MSRB3: variants seen among roughly 807,000 people sequenced by gnomAD.
MSRB3 encodes the protein methionine sulfoxide reductase B3, also known as methionine-R-sulfoxide reductase B3.
A neutral mutation model predicts 21.0 loss-of-function variants in MSRB3; 13 were observed. That is an observed-to-expected ratio of 0.62 (90% confidence interval 0.40 to 0.98). MSRB3 has a LOEUF of 0.98. Ranked by LOEUF, MSRB3 falls within the 50% of genes least tolerant of loss-of-function variation. The pLI is 0.00. For synonymous variants in MSRB3, 87 were observed against 88.6 expected (o/e 0.98, Z 0.10); for missense variants, 199 against 230.3 (o/e 0.86, Z 0.88).
chr12:65,420,027 G>C (rs1383644656), intron 5 of MSRB3: 2 of 551,836 alleles, frequency 3.6e-6, no homozygotes, highest in Non-Finnish European at 7.3e-6. Flanking sequence ...AGCTCATGCT[G>C]TCTGGGGAAG....
intron 5 of MSRB3, among the ~76,000 whole-genome samples, chr12:65,387,430 A>T (rs977864881): frequency 2.0e-5 from 3 of 152,240 alleles, no homozygotes; most frequent in African/African-American, 7.2e-5. Context: ...TCTGATAGGT[A>T]AAAAGTAGAA....
chr12:65,352,286 G>A (rs370473458), intron 4 of MSRB3, among the ~76,000 whole-genome samples: 6 of 151,820 alleles, frequency 4.0e-5, no homozygotes, highest in African/African-American at 9.7e-5. Flanking sequence ...AAAACTCTCA[G>A]TAAATTAGGT....
chr12:65,388,411 G>C (rs1215125774), intron 5 of MSRB3, among the ~76,000 whole-genome samples: 1 of 152,122 alleles, frequency 6.6e-6, no homozygotes, highest in Admixed American at 6.5e-5. Flanking sequence ...TCTTCCACCA[G>C]GTTCCTTGTG....
At chr12:65,445,123 G>A (rs145443522) in intron 5 of MSRB3, among the ~76,000 whole-genome samples, 183 of 152,104 alleles carry the variant, frequency 1.2e-3, no homozygotes, top group Middle Eastern at 6.8e-3. Context: ...ACACAAGCTG[G>A]AAACCTAGTA....
intron 5 of MSRB3, among the ~76,000 whole-genome samples, chr12:65,402,812 A>G (rs896850686): frequency 1.3e-5 from 2 of 151,946 alleles, no homozygotes; most frequent in African/African-American, 4.8e-5. Context: ...CTTTTTGTTG[A>G]TGTTGATGCT....
rs539358697 is a variant in MSRB3 at position 65,309,214 on chromosome 12, A to T, written c.76+559A>T. ...TTAAATTAGAACCACTGTACTTTTTAAAAATGTGATTTTAAGAATTTAAAT... is the reference window on the plus strand; with the variant it reads ...TTAAATTAGAACCACTGTACTTTTTTAAAATGTGATTTTAAGAATTTAAAT... On this transcript the variant is annotated intron_variant, in intron 2 of 6. Coordinates refer to ENST00000308259, the MANE Select transcript of MSRB3 (RefSeq NM_001031679.3). Among the ~76,000 whole-genome samples, 220 of 152,350 alleles carry T rather than the reference A, an allele frequency of 1.4e-3. 2 individuals carry two copies. Among genetic ancestry groups the T allele is most frequent in the African/African-American group, 5.0e-3 (206 of 41,594 alleles).
intron 5 of MSRB3, among the ~76,000 whole-genome samples, chr12:65,422,400 A>ATG (rs1881354720): frequency 1.0e-4 from 3 of 28,888 alleles, no homozygotes; most frequent in Non-Finnish European, 2.8e-4. Context: ...ATATATATAT[A>ATG]TATATATATA....
intron 2 of MSRB3, among the ~76,000 whole-genome samples, chr12:65,323,305 G>C (rs1874805316): frequency 6.6e-6 from 1 of 152,176 alleles, no homozygotes; most frequent in Admixed American, 6.5e-5. Context: ...AACAACACAG[G>C]ACAAGCTTCG....
At chr12:65,303,951 G>A (rs370514959) in intron 1 of MSRB3, among the ~76,000 whole-genome samples, 20 of 152,068 alleles carry the variant, frequency 1.3e-4, no homozygotes, top group Non-Finnish European at 2.2e-4. Flanking sequence ...TGTGGGGTGC[G>A]GTGGGTTGTA....
At chr12:65,376,402 T>C (rs1878626333) in intron 5 of MSRB3, among the ~76,000 whole-genome samples, 1 of 152,114 alleles carries the variant, frequency 6.6e-6, no homozygotes, top group Non-Finnish European at 1.5e-5. Context: ...TGTCATTTTT[T>C]ATTTTACCTG....
chr12:65,312,813 G>T (rs1337712952), intron 2 of MSRB3, among the ~76,000 whole-genome samples: 1 of 152,046 alleles, frequency 6.6e-6, no homozygotes, highest in Non-Finnish European at 1.5e-5. Flanking sequence ...ATAAATATAT[G>T]TTAAATGAAT....
intron 1 of MSRB3, among the ~76,000 whole-genome samples, chr12:65,296,950 A>G (rs1313273309): frequency 2.0e-5 from 3 of 152,368 alleles, no homozygotes; most frequent in Non-Finnish European, 2.9e-5. Flanking sequence ...TATCATAAAT[A>G]TAAATGATTT....
At chr12:65,330,106 T>C (rs901957881) in intron 4 of MSRB3, among the ~76,000 whole-genome samples, 4 of 152,228 alleles carry the variant, frequency 2.6e-5, no homozygotes, top group African/African-American at 9.6e-5. Context: ...CCCTTTACTT[T>C]TTGATTCAGA....
chr12:65,351,953 A>C (rs1321726076), intron 4 of MSRB3, among the ~76,000 whole-genome samples: 1 of 152,154 alleles, frequency 6.6e-6, no homozygotes, highest in African/African-American at 2.4e-5. Context: ...ATCGTCCCTA[A>C]CTCATTTTAT....
intron 6 of MSRB3, among the ~76,000 whole-genome samples, chr12:65,457,325 C>T (rs929429771): frequency 2.0e-5 from 3 of 152,082 alleles, no homozygotes; most frequent in African/African-American, 4.8e-5. Flanking sequence ...CACCCATCAA[C>T]CCATCATCTG....
chr12:65,358,736 T>C (rs1313666783), intron 4 of MSRB3, among the ~76,000 whole-genome samples: 2 of 152,004 alleles, frequency 1.3e-5, no homozygotes, highest in Non-Finnish European at 2.9e-5. Flanking sequence ...TTTGACTTTT[T>C]CCCCTGTAGT....
intron 5 of MSRB3, among the ~76,000 whole-genome samples, chr12:65,372,406 G>A (rs1023141879): frequency 3.3e-5 from 5 of 152,186 alleles, no homozygotes; most frequent in Non-Finnish European, 7.3e-5. Flanking sequence ...CTTTTCTGTT[G>A]ATTTATAACT....
In MSRB3 at chr12:65,427,492, A is replaced by G. The variant is rs1245684736; in HGVS notation, c.293-26236A>G. On this transcript the variant is annotated intron_variant, in intron 5 of 6. Coordinates refer to ENST00000308259, the MANE Select transcript of MSRB3 (RefSeq NM_001031679.3). ...CTGATTTCTTTTTCTTTCACTGAGG[A>G]AGTTGTGGCTGAGGGGATTTCTTTT... Among the ~76,000 whole-genome samples the G allele has an allele frequency of 2.0e-5, 3 of 152,198 alleles. No individual in the cohort carries two copies. The East Asian group carries it at 5.8e-4, about 29-fold the overall frequency.
chr12:65,445,249 G>A (rs1882561691), intron 5 of MSRB3, among the ~76,000 whole-genome samples: 1 of 151,940 alleles, frequency 6.6e-6, no homozygotes, highest in Non-Finnish European at 1.5e-5. Context: ...TCCCATTAAA[G>A]CTTCATTATT....
Sources: allele counts gnomAD v4.1 joint callset (sites outside exome capture counted in the v4.1 genomes callset), GRCh38; gene constraint gnomAD v4.1.1; transcripts MANE v1.5; gene names NCBI Gene and HGNC (gene_info 2026-07-23, HGNC 2026-07-21).